Variants in TXNL4A observed in about 807,000 individuals in gnomAD.
The protein encoded by TXNL4A is thioredoxin-like protein 4A.
In TXNL4A, 17 loss-of-function variants were observed where a neutral mutation model predicts 14.6. The observed-to-expected ratio is 1.16, with a 90% CI of 0.80 to 1.74. The LOEUF (loss-of-function observed/expected upper bound fraction) is 1.74, where lower values mean the gene tolerates loss of function less well. TXNL4A is among the 40% of genes most tolerant of loss of function. The pLI, the probability that TXNL4A is intolerant of heterozygous loss-of-function variation, is 0.00. For missense variants in TXNL4A, 74 were observed against 195.2 expected (o/e 0.38, Z 3.70); for synonymous variants, 83 against 70.6 (o/e 1.18, Z -0.88).
chr18:79,999,447 A>T (rs1599740209), intron 1 of TXNL4A, among the ~76,000 whole-genome samples: 1 of 151,032 alleles, frequency 6.6e-6, no homozygotes, highest in Admixed American at 6.6e-5. Context: ...GAAGCAGGAG[A>T]ATTGCTTGAA....
chr18:80,032,748 G>C lies in TXNL4A; in HGVS notation c.-61+1103C>G, dbSNP rs373799749. 3.9e-5 allele frequency among the ~76,000 whole-genome samples: 6 copies of C among 152,346 alleles called. No homozygotes were observed. In the South Asian group the frequency reaches 6.2e-4, roughly 16 times the overall value. The stretch of plus-strand genomic sequence containing the variant: ...CCAGCTACACGAGAGGCTGAGGCGG[G>C]AGAATTGTTTGAACCTGGAAGGTGG... On this transcript the variant is annotated intron_variant, in intron 1 of 2. Coordinates refer to the TXNL4A transcript ENST00000585474.
chr18:80,026,273 A>G (rs1351136867), intron 1 of TXNL4A, among the ~76,000 whole-genome samples: 1 of 152,220 alleles, frequency 6.6e-6, no homozygotes, highest in Non-Finnish European at 1.5e-5. Flanking sequence ...AAAGCAATTA[A>G]CTTCAAAACC....
chr18:80,022,288 T>A (rs532815861), intron 1 of TXNL4A, among the ~76,000 whole-genome samples: 2 of 152,252 alleles, frequency 1.3e-5, no homozygotes, highest in African/African-American at 4.8e-5. Flanking sequence ...CCGGAAGTTT[T>A]TTTCGAGGGT....
At chr18:80,016,925 T>G (rs1041232793) in intron 1 of TXNL4A, among the ~76,000 whole-genome samples, 3 of 152,176 alleles carry the variant, frequency 2.0e-5, no homozygotes, top group African/African-American at 7.2e-5. Flanking sequence ...TTGATGGGGA[T>G]GGCATTGAAT....
chr18:80,020,480 AAGCTGGCCATTTTTT>A (rs1489731026), intron 1 of TXNL4A, among the ~76,000 whole-genome samples: 6 of 152,212 alleles, frequency 3.9e-5, no homozygotes, highest in Non-Finnish European at 8.8e-5. Flanking sequence ...GCTCAGAGGC[AAGCTGGCCATTTTTT>A]AGCCACCAAG....
At chr18:80,010,411 T>C (rs1286046066) in intron 1 of TXNL4A, among the ~76,000 whole-genome samples, 1 of 152,142 alleles carries the variant, frequency 6.6e-6, no homozygotes, top group Non-Finnish European at 1.5e-5. Context: ...GAAGCGATGA[T>C]TCACAGAGGC....
chr18:79,997,572 G>A lies in TXNL4A; in HGVS notation c.-60-19871C>T, dbSNP rs2051671329. Among the ~76,000 whole-genome samples the A allele has an allele frequency of 2.6e-5, 4 of 152,076 alleles. No individual in the cohort carries two copies. The South Asian group carries it at 8.3e-4, about 31-fold the overall frequency. The stretch of plus-strand genomic sequence containing the variant: ...CAGTGCCTTCTTTAGTATTCCTGTA[G>A]ATCCAGACAGCCGGTATTTGTTTAC... On this transcript the variant is annotated intron_variant, in intron 1 of 2. Coordinates refer to the TXNL4A transcript ENST00000585474.
At chr18:79,986,807 G>A (rs1306951786) in intron 1 of TXNL4A, 1 of 978,302 alleles carries the variant, frequency 1.0e-6, no homozygotes, top group South Asian at 4.7e-5. Context: ...CAATACAGCA[G>A]TGATTTACTT....
intron 1 of TXNL4A, among the ~76,000 whole-genome samples, chr18:79,986,371 G>T (rs8097542): frequency 6.6e-6 from 1 of 152,012 alleles, no homozygotes; most frequent in Non-Finnish European, 1.5e-5. Flanking sequence ...TATAATATTC[G>T]CATTAAAAGT....
chr18:80,008,246 A>G (rs1187976564), intron 1 of TXNL4A, among the ~76,000 whole-genome samples: 1 of 152,136 alleles, frequency 6.6e-6, no homozygotes, highest in Non-Finnish European at 1.5e-5. Context: ...TCAGATGTAA[A>G]TGTTAGTAGC....
In TXNL4A at chr18:79,973,219, G is replaced by C. The variant is rs2051325032; in HGVS notation, c.*466C>G. On this transcript the variant is annotated 3_prime_UTR_variant, in exon 3 of 3. Transcript: ENST00000269601. ...CTGAAAATACCACCAGCAGCCCCCAGAAGCCAGGGACAGGCCTGAGCAGAT... is the reference window on the plus strand; with the variant it reads ...CTGAAAATACCACCAGCAGCCCCCACAAGCCAGGGACAGGCCTGAGCAGAT... The C allele has an allele frequency of 6.5e-6, 1 of 153,880 alleles. No homozygotes were observed. The highest frequency in any genetic ancestry group is 2.4e-5 in the African/African-American group (1 of 41,466). 9.5% of individuals were successfully genotyped at this position (153,880 alleles called of 1,614,324 possible).
At chr18:80,031,673 T>C (rs2145134192) in intron 1 of TXNL4A, among the ~76,000 whole-genome samples, 1 of 152,236 alleles carries the variant, frequency 6.6e-6, no homozygotes, top group East Asian at 1.9e-4. Flanking sequence ...GACGGGGTCA[T>C]GCTTATGAGG....
At position 80,029,551 on chromosome 18, in the gene TXNL4A, G is replaced by A. The variant is rs2051907968; in HGVS notation, c.-61+4300C>T. On this transcript the variant is annotated intron_variant, in intron 1 of 2. Transcript: ENST00000585474. ...TCCCAGGTGAACGTCACAGCGACAG[G>A]GGAACTCACTTTACTGGCCAGGTTA... Among the ~76,000 whole-genome samples the A allele has an allele frequency of 5.3e-5, 8 of 152,308 alleles. No individual in the cohort carries two copies. In the South Asian group the frequency reaches 1.2e-3, roughly 24 times the overall value.
chr18:80,028,653 G>A (rs533350573), intron 1 of TXNL4A, among the ~76,000 whole-genome samples: 13 of 152,280 alleles, frequency 8.5e-5, no homozygotes, highest in African/African-American at 2.2e-4. Flanking sequence ...AATTAAAGCC[G>A]GTCCTCTTCT....
intron 1 of TXNL4A, among the ~76,000 whole-genome samples, chr18:80,022,719 G>T (rs1197074851): frequency 2.6e-5 from 4 of 152,148 alleles, no homozygotes; most frequent in Admixed American, 2.6e-4. Flanking sequence ...CCTTGCTTTG[G>T]CGTGACCAAG....
intron 1 of TXNL4A, among the ~76,000 whole-genome samples, chr18:80,024,790 A>G (rs1231891300): frequency 6.6e-6 from 1 of 152,226 alleles, no homozygotes; most frequent in Non-Finnish European, 1.5e-5. Context: ...CACTTGTGCC[A>G]GGTAGCCGTG....
At chr18:80,006,942 T>C (rs1315991807) in intron 1 of TXNL4A, among the ~76,000 whole-genome samples, 1 of 152,168 alleles carries the variant, frequency 6.6e-6, no homozygotes, top group East Asian at 1.9e-4. Context: ...AGGCGCCACG[T>C]TGCCTGCTTT....
chr18:80,002,665 AC>A (rs2051705300), intron 1 of TXNL4A, among the ~76,000 whole-genome samples: 2 of 152,160 alleles, frequency 1.3e-5, no homozygotes, highest in Non-Finnish European at 2.9e-5. Flanking sequence ...AATGGATGGC[AC>A]CCCCATTCTA....
chr18:80,019,557 G>A (rs1441211720), intron 1 of TXNL4A, among the ~76,000 whole-genome samples: 3 of 152,152 alleles, frequency 2.0e-5, no homozygotes, highest in Non-Finnish European at 2.9e-5. Context: ...CTGATAATAA[G>A]GTTGGCAAGG....
Sources: allele counts gnomAD v4.1 joint callset (sites outside exome capture counted in the v4.1 genomes callset), GRCh38; gene constraint gnomAD v4.1.1; transcripts MANE v1.5; gene names NCBI Gene and HGNC (gene_info 2026-07-23, HGNC 2026-07-21).